Variants in GHR observed in about 807,000 individuals in gnomAD.
The protein encoded by GHR is growth hormone receptor, also known as GH receptor.
In GHR, 35 loss-of-function variants were observed where a neutral mutation model predicts 67.1. The ratio of observed to expected loss-of-function variants is 0.52; its 90% CI spans 0.40 to 0.69. The LOEUF (loss-of-function observed/expected upper bound fraction) is 0.69. Ranked by LOEUF, GHR falls within the 30% of genes least tolerant of loss-of-function variation. GHR has a pLI of 0.00. For missense variants in GHR, 792 were observed against 764.6 expected (o/e 1.04, Z -0.42); for synonymous variants, 272 against 269.1 (o/e 1.01, Z -0.10).
chr5:42,425,986 C>T (rs1742837068), intron 1 of GHR, among the ~76,000 whole-genome samples: 1 of 152,096 alleles, frequency 6.6e-6, no homozygotes, highest in South Asian at 2.1e-4. Context: ...TAACTGTGCT[C>T]ACAAAAATTT....
At chr5:42,576,322 A>C (rs1483659381) in intron 2 of GHR, among the ~76,000 whole-genome samples, 1 of 151,974 alleles carries the variant, frequency 6.6e-6, no homozygotes, top group Admixed American at 6.6e-5. Context: ...CAAGTAAAGC[A>C]TGTATTGAGA....
At chr5:42,688,256 T>C (rs887894745) in intron 3 of GHR, among the ~76,000 whole-genome samples, 1 of 152,246 alleles carries the variant, frequency 6.6e-6, no homozygotes, top group Non-Finnish European at 1.5e-5. Flanking sequence ...TTTGCCACTA[T>C]GCACCCTGCC....
At chr5:42,509,105 A>G (rs1272671526) in intron 1 of GHR, among the ~76,000 whole-genome samples, 1 of 152,172 alleles carries the variant, frequency 6.6e-6, no homozygotes, top group East Asian at 1.9e-4. Flanking sequence ...GTTCATTTTC[A>G]GTATTATTTT....
At chr5:42,465,618 T>TA (rs1561319270) in intron 1 of GHR, 17 of 1,036,788 alleles carry the variant, frequency 1.6e-5, no homozygotes, top group African/African-American at 1.1e-4. Context: ...GGGGACTCTG[T>TA]TAATTCATCT....
chr5:42,469,242 C>A (rs1744890089), intron 1 of GHR, among the ~76,000 whole-genome samples: 1 of 152,136 alleles, frequency 6.6e-6, no homozygotes, highest in Admixed American at 6.5e-5. Context: ...TTAGGAAAGC[C>A]TAATGGGAAG....
At chr5:42,532,343 A>G (rs1217959826) in intron 1 of GHR, among the ~76,000 whole-genome samples, 2 of 134,954 alleles carry the variant, frequency 1.5e-5, no homozygotes, top group Admixed American at 7.1e-5. Context: ...GGTCTTTGAT[A>G]TAGATGATAG....
intron 1 of GHR, among the ~76,000 whole-genome samples, chr5:42,461,325 T>C (rs1744480525): frequency 6.6e-6 from 1 of 152,208 alleles, no homozygotes; most frequent in African/African-American, 2.4e-5. Context: ...TTCATTAATG[T>C]TCTCCAAGGC....
chr5:42,648,636 C>T (rs1358119422), intron 3 of GHR, among the ~76,000 whole-genome samples: 2 of 151,826 alleles, frequency 1.3e-5, no homozygotes, highest in Non-Finnish European at 2.9e-5. Context: ...TCTTATCCTA[C>T]TCCCTGTTCT....
chr5:42,591,673 A>G (rs1751785187), intron 2 of GHR, among the ~76,000 whole-genome samples: 1 of 151,866 alleles, frequency 6.6e-6, no homozygotes, highest in African/African-American at 2.4e-5. Context: ...TGCCCCTCAG[A>G]CTCAGCACTT....
rs1393290129 is a variant in GHR, at chr5:42,565,931, T to C, written c.57T>C (p.Phe19=). 2.5e-6 allele frequency: 4 copies of C among 1,613,990 alleles called. No individual in the cohort carries two copies. Among genetic ancestry groups the C allele is most frequent in the Non-Finnish European group, 3.4e-6 (4 of 1,179,964 alleles). Residue 19 remains phenylalanine (F), a synonymous_variant, in exon 2 of 10, where the codon TTT becomes TTC. Transcript: ENST00000230882. ...CACTGGCAGGATCAAGTGATGCTTT[T>C]TCTGGAAGTGAGGGTGAGTTCTGCT... The part of the protein sequence containing the change: ...TLALAGSSDA[F]SGSEATAAIL...
rs933355797 is a variant in GHR at position 42,600,918 on chromosome 5, CTTTTTTTTTT to C, written c.71-28104_71-28095del. On this transcript the variant is annotated intron_variant, in intron 2 of 9. Transcript: ENST00000230882. ...GAAATTAAAATCTATTCTTTCTATT[CTTTTTTTTTT>C]TTTTTTTTTTTTTTTGTGACGGAGT... Among the ~76,000 whole-genome samples, 66 of 66,698 alleles carry C rather than the reference CTTTTTTTTTT, an allele frequency of 9.9e-4. No individual in the cohort carries two copies. The East Asian group carries it at 0.014, about 14-fold the overall frequency. The allele number at this position is 66,698 out of a possible 152,430, so 43.8% of individuals were successfully genotyped here.
At position 42,631,349 on chromosome 5, in the gene GHR, G is replaced by A. The variant is rs540703596; in HGVS notation, c.136+2246G>A. Among the ~76,000 whole-genome samples the A allele has an allele frequency of 7.2e-5, 11 of 152,240 alleles. No individual in the cohort carries two copies. The South Asian group carries it at 2.3e-3, about 32-fold the overall frequency. ...AGCTTTTTCTTATCAAAAGTCACCT[G>A]CTCTCTGTCCCAGGAACGACTGGCT... is the stretch of plus-strand genomic sequence containing the variant. On this transcript the variant is annotated intron_variant, in intron 3 of 9. Coordinates refer to ENST00000230882, the MANE Select transcript of GHR (RefSeq NM_000163.5).
chr5:42,671,426 C>A (rs1382679746), intron 3 of GHR, among the ~76,000 whole-genome samples: 1 of 152,076 alleles, frequency 6.6e-6, no homozygotes, highest in Non-Finnish European at 1.5e-5. Context: ...CCAAGACCCA[C>A]CTCCAACATT....
In GHR at chr5:42,483,404, C is replaced by A. The variant is rs772652593; in HGVS notation, c.-12+59449C>A. ...GCAAATGAGAAATCTGCCCAAGGAG[C>A]CTGAGCTTGGTGAATACAAGTTCAT... is the stretch of plus-strand genomic sequence containing the variant. On this transcript the variant is annotated intron_variant, in intron 1 of 9. Coordinates refer to ENST00000230882, the MANE Select transcript of GHR (RefSeq NM_000163.5). Among the ~76,000 whole-genome samples, 13 of 151,662 alleles carry A rather than the reference C, an allele frequency of 8.6e-5. 1 individual carries two copies. Among genetic ancestry groups the A allele is most frequent in the Admixed American group, 1.3e-4 (2 of 15,218 alleles).
chr5:42,712,701 G>A (rs191286237), intron 7 of GHR, among the ~76,000 whole-genome samples: 258 of 152,084 alleles, frequency 1.7e-3, no homozygotes, highest in South Asian at 8.5e-3. Flanking sequence ...GGTACCAACT[G>A]CAAAGTAGCT....
chr5:42,657,169 T>C (rs1755298064), intron 3 of GHR, among the ~76,000 whole-genome samples: 1 of 152,124 alleles, frequency 6.6e-6, no homozygotes, highest in Admixed American at 6.5e-5. Flanking sequence ...CTCAGTTTAG[T>C]GACCATGATT....
rs150443585 is a variant in GHR at position 42,715,696 on chromosome 5, G to A, written c.875+2177G>A. Among the ~76,000 whole-genome samples the A allele has an allele frequency of 3.9e-3, 595 of 152,248 alleles. 2 individuals are homozygous for A. Among genetic ancestry groups the A allele is most frequent in the African/African-American group, 0.013 (557 of 41,536 alleles). On this transcript the variant is annotated intron_variant, in intron 8 of 9. Coordinates refer to ENST00000230882, the MANE Select transcript of GHR (RefSeq NM_000163.5). The stretch of plus-strand genomic sequence containing the variant: ...ATATTTTGTTATTTTATTTTAATTA[G>A]TTTTGATTTCAGAGTGAAGATTTTC...
At position 42,719,184 on chromosome 5, in the gene GHR, C is replaced by G; in HGVS notation, c.1677C>G (p.Ser559Arg). The stretch of plus-strand genomic sequence containing the variant: ...AGGTTGAATCACACATACAGCCAAG[C>G]TTAAACCAAGAGGACATTTACATCA... ...HIKVESHIQP[S>R]LNQEDIYITT... The change falls in exon 10 of 10, where the codon AGC (serine) becomes AGG (arginine). Residue 559 changes from serine to arginine, a missense_variant. By Grantham distance (110) the Ser-to-Arg change is moderately radical. Transcript: ENST00000230882. The G allele has an allele frequency of 6.2e-7, 1 of 1,614,148 alleles. No individual in the cohort carries two copies. Among genetic ancestry groups the G allele is most frequent in the Non-Finnish European group, 8.5e-7 (1 of 1,180,024 alleles).
At chr5:42,469,456 A>G (rs1189036176) in intron 1 of GHR, among the ~76,000 whole-genome samples, 1 of 151,698 alleles carries the variant, frequency 6.6e-6, no homozygotes, top group East Asian at 1.9e-4. Flanking sequence ...GCCTCAGCCT[A>G]TCCTGGAGAT....
Sources: gnomAD v4.1 joint callset for allele counts (sites outside exome capture counted in the v4.1 genomes callset) on GRCh38, gnomAD v4.1.1 for gene constraint, MANE v1.5 for transcripts, NCBI Gene and HGNC (gene_info 2026-07-23, HGNC 2026-07-21) for gene names.